The following TNIK variants were observed in gnomAD, a reference collection of about 807,000 sequenced individuals.
TNIK encodes TRAF2 and NCK-interacting protein kinase.
A neutral mutation model predicts 191.3 loss-of-function variants in TNIK; 49 were observed. The ratio of observed to expected loss-of-function variants is 0.26; its 90% CI spans 0.20 to 0.32. TNIK has a LOEUF of 0.32. TNIK is among the 10% of genes least tolerant of loss of function. The pLI is 1.00. For missense variants in TNIK, 1,155 were observed against 1,702.3 expected (o/e 0.68, Z 5.66); for synonymous variants, 594 against 600.9 (o/e 0.99, Z 0.17).
intron 15 of TNIK, among the ~76,000 whole-genome samples, chr3:171,134,993 GGA>G (rs1458647829): frequency 6.6e-6 from 1 of 152,184 alleles, no homozygotes; most frequent in Non-Finnish European, 1.5e-5. Context: ...TGCAGTAGGT[GGA>G]AGAGAGCTAG....
At chr3:171,406,919 A>T (rs530488142) in intron 1 of TNIK, among the ~76,000 whole-genome samples, 1 of 152,284 alleles carries the variant, frequency 6.6e-6, no homozygotes, top group East Asian at 1.9e-4. Flanking sequence ...ATCACAGTAG[A>T]CTCTGTGAGA....
intron 23 of TNIK, among the ~76,000 whole-genome samples, chr3:171,088,572 A>G (rs890273489): frequency 6.6e-6 from 1 of 152,238 alleles, no homozygotes; most frequent in East Asian, 1.9e-4. Context: ...GTGCAGTAGA[A>G]AAAAATGTAT....
intron 20 of TNIK, 97 bp from the exon 21 acceptor site, chr3:171,107,303 G>A (rs1293715439): frequency 9.9e-6 from 11 of 1,111,510 alleles, no homozygotes; most frequent in East Asian, 2.5e-5. Flanking sequence ...TTGTTAGTAC[G>A]CAACTGATAA....
intron 12 of TNIK, among the ~76,000 whole-genome samples, chr3:171,146,893 CAAAA>C (rs34998782): frequency 9.1e-5 from 5 of 54,902 alleles, no homozygotes; most frequent in African/African-American, 2.7e-4. Flanking sequence ...GACTTCATCT[CAAAA>C]AAAAAAAAAA....
intron 2 of TNIK, among the ~76,000 whole-genome samples, chr3:171,281,593 A>C (rs887369624): frequency 1.3e-5 from 2 of 151,596 alleles, no homozygotes; most frequent in African/African-American, 4.9e-5. Flanking sequence ...TGCTTCTTCC[A>C]CAAGGAATGG....
intron 23 of TNIK, among the ~76,000 whole-genome samples, chr3:171,087,883 T>C (rs938382767): frequency 2.0e-5 from 3 of 152,180 alleles, no homozygotes; most frequent in African/African-American, 7.2e-5. Flanking sequence ...CAGATCATAT[T>C]ACCAGGTTAC....
chr3:171,359,014 T>C (rs1714583568), intron 2 of TNIK, among the ~76,000 whole-genome samples: 1 of 152,152 alleles, frequency 6.6e-6, no homozygotes, highest in African/African-American at 2.4e-5. Flanking sequence ...TTGAGGATGA[T>C]GAAAAAGTTC....
intron 9 of TNIK, among the ~76,000 whole-genome samples, chr3:171,174,883 A>G (rs1290991772): frequency 6.6e-6 from 1 of 152,204 alleles, no homozygotes; most frequent in Non-Finnish European, 1.5e-5. Flanking sequence ...AATAGAAGAG[A>G]AATCAGCCAA....
At chr3:171,233,336 T>C (rs1743894233) in intron 2 of TNIK, among the ~76,000 whole-genome samples, 1 of 151,816 alleles carries the variant, frequency 6.6e-6, no homozygotes, top group Admixed American at 6.6e-5. Context: ...ACCAGAACCA[T>C]GAAAATAAAT....
At chr3:171,079,829 G>A (rs1720439549) in intron 27 of TNIK, among the ~76,000 whole-genome samples, 177 bp from the exon 28 acceptor site, 1 of 152,106 alleles carries the variant, frequency 6.6e-6, no homozygotes, top group South Asian at 2.1e-4. Flanking sequence ...CAGAACTTAT[G>A]GTTAAAATAG....
chr3:171,164,332 G>A (rs1206999470), intron 10 of TNIK, among the ~76,000 whole-genome samples: 1 of 152,202 alleles, frequency 6.6e-6, no homozygotes, highest in Non-Finnish European at 1.5e-5. Flanking sequence ...AGAGGGAGAT[G>A]GGTCATGAGT....
chr3:171,273,809 T>A (rs1400517481), intron 2 of TNIK, among the ~76,000 whole-genome samples: 3 of 152,350 alleles, frequency 2.0e-5, no homozygotes, highest in Non-Finnish European at 2.9e-5. Context: ...TGACAACTGA[T>A]AATGAACCTT....
At chr3:171,459,237 C>CAT (rs1250790331) in intron 1 of TNIK, among the ~76,000 whole-genome samples, 1 of 152,036 alleles carries the variant, frequency 6.6e-6, no homozygotes, top group East Asian at 1.9e-4. Flanking sequence ...CACACACACA[C>CAT]ACACACTCGC....
At chr3:171,327,900 T>TAAAAAATAAA (rs1755965337) in intron 2 of TNIK, among the ~76,000 whole-genome samples, 1 of 79,622 alleles carries the variant, frequency 1.3e-5, no homozygotes, top group Non-Finnish European at 2.6e-5. Flanking sequence ...ACCTGGCTCA[T>TAAAAAATAAA]AAAAAAAAAA....
At chr3:171,084,910 C>T (rs147454860) in intron 25 of TNIK, among the ~76,000 whole-genome samples, 6 of 151,894 alleles carry the variant, frequency 4.0e-5, no homozygotes, top group Non-Finnish European at 5.9e-5. Context: ...CTACCAGAAA[C>T]GAAATAGAAG....
chr3:171,316,046 A>G (rs746012576), intron 2 of TNIK, among the ~76,000 whole-genome samples: 18 of 152,196 alleles, frequency 1.2e-4, no homozygotes, highest in Non-Finnish European at 1.3e-4. Context: ...TTTACAGCCT[A>G]GAGACAGAGA....
chr3:171,063,120 C>CTA lies in TNIK; in HGVS notation c.*760_*761insTA, dbSNP rs1560059181. ...AATGGCGTTAGTATCCTGTTCAACA[C>CTA]ACTCCATTCTGTAAAGGGCCATATA... On this transcript the variant is annotated 3_prime_UTR_variant, in exon 33 of 33. Transcript: ENST00000436636. 6.6e-6 allele frequency: 1 copy of CTA among 152,206 alleles called. No individual in the cohort carries two copies. Among genetic ancestry groups the CTA allele is most frequent in the Admixed American group, 6.5e-5 (1 of 15,276 alleles). 9.4% of individuals were successfully genotyped at this position (152,206 alleles called of 1,614,324 possible).
At chr3:171,200,997 G>C (rs1739333054) in intron 4 of TNIK, among the ~76,000 whole-genome samples, 1 of 152,122 alleles carries the variant, frequency 6.6e-6, no homozygotes, top group Non-Finnish European at 1.5e-5. Context: ...TCTCTTTTAT[G>C]GTAAAAGGAG....
chr3:171,297,168 A>T (rs1752381523), intron 2 of TNIK, among the ~76,000 whole-genome samples: 1 of 152,132 alleles, frequency 6.6e-6, no homozygotes, highest in Non-Finnish European at 1.5e-5. Context: ...CCAAAAGGGG[A>T]AAGACCGGGG....
Sources: gnomAD v4.1 joint callset for allele counts (sites outside exome capture counted in the v4.1 genomes callset) on GRCh38, gnomAD v4.1.1 for gene constraint, MANE v1.5 for transcripts, NCBI Gene and HGNC (gene_info 2026-07-23, HGNC 2026-07-21) for gene names.